TMEM117: variants seen among roughly 807,000 people sequenced by gnomAD.
The protein encoded by TMEM117 is transmembrane protein 117.
TMEM117 carries 27 observed loss-of-function variants against 52.4 expected under a neutral mutation model. The observed-to-expected ratio is 0.51, with a 90% confidence interval of 0.38 to 0.71. The LOEUF is 0.71. TMEM117 is among the 30% of genes least tolerant of loss of function. TMEM117 has a pLI of 0.00. For synonymous variants in TMEM117, 215 were observed against 206.3 expected, an observed-to-expected ratio of 1.04 and a Z score of -0.36; for missense variants, 556 against 630.5, an observed-to-expected ratio of 0.88 and a Z score of 1.26.
chr12:44,307,459 C>T (rs905329929), intron 6 of TMEM117, among the ~76,000 whole-genome samples: 1 of 152,080 alleles, frequency 6.6e-6, no homozygotes, highest in East Asian at 1.9e-4. Context: ...AGGAAAAATA[C>T]TATTTGAAAA....
intron 3 of TMEM117, among the ~76,000 whole-genome samples, chr12:44,073,024 A>T (rs1947325953): frequency 6.6e-6 from 1 of 151,724 alleles, no homozygotes; most frequent in South Asian, 2.1e-4. Context: ...CAGAAGGCAG[A>T]GGTTGCAGTG....
intron 3 of TMEM117, among the ~76,000 whole-genome samples, chr12:43,950,579 T>C (rs899884291): frequency 3.9e-5 from 6 of 151,906 alleles, no homozygotes; most frequent in African/African-American, 1.5e-4. Flanking sequence ...TGTTAAACAG[T>C]CTCTCCAAAA....
At chr12:43,826,640 A>G in the TMEM117 span, among the ~76,000 whole-genome samples, 1 of 152,220 alleles carries the variant, frequency 6.6e-6, no homozygotes, top group African/African-American at 2.4e-5. Flanking sequence ...TGCAGGGGTA[A>G]GAAGGAAATT....
rs149529056 is a variant in TMEM117, at chr12:44,216,219, G to T, written c.608+4832G>T. ...GAGGGAGTTTCACCATGTTGGTCAGGCTGGTCTTGAACCCCTGACCTCGCG... is the reference window on the plus strand; with the variant it reads ...GAGGGAGTTTCACCATGTTGGTCAGTCTGGTCTTGAACCCCTGACCTCGCG... On this transcript the variant is annotated intron_variant, in intron 5 of 7. Coordinates refer to ENST00000266534, the MANE Select transcript of TMEM117 (RefSeq NM_032256.3). Among the ~76,000 whole-genome samples the T allele has an allele frequency of 8.5e-3, 1,292 of 151,866 alleles. 13 individuals carry two copies. Among genetic ancestry groups the T allele is most frequent in the African/African-American group, 0.03 (1,230 of 41,390 alleles).
chr12:44,151,191 T>G (rs973319577), intron 4 of TMEM117, among the ~76,000 whole-genome samples: 1 of 152,104 alleles, frequency 6.6e-6, no homozygotes, highest in South Asian at 2.1e-4. Flanking sequence ...ATTTTTCATC[T>G]TTTTCATCCC....
intron 3 of TMEM117, among the ~76,000 whole-genome samples, chr12:44,053,240 C>A (rs1015363264): frequency 6.6e-6 from 1 of 152,152 alleles, no homozygotes; most frequent in African/African-American, 2.4e-5. Flanking sequence ...AAGTTCCCAT[C>A]AGGTTCAAAA....
At position 44,118,760 on chromosome 12, in the gene TMEM117, G is replaced by A. The variant is rs182371076; in HGVS notation, c.411-24765G>A. On this transcript the variant is annotated intron_variant, in intron 3 of 7. Coordinates refer to ENST00000266534, the MANE Select transcript of TMEM117 (RefSeq NM_032256.3). ...CTTTAGCCTCTACTTTTCAGGCAGG[G>A]TATTTTTTCACTTCTTTAAACTTAA... is the stretch of plus-strand genomic sequence containing the variant. Among the ~76,000 whole-genome samples the A allele has an allele frequency of 2.1e-4, 32 of 152,216 alleles. 1 individual carries two copies. Among genetic ancestry groups the A allele is most frequent in the African/African-American group, 7.7e-4 (32 of 41,558 alleles).
the TMEM117 span, chr12:43,805,989 A>C: frequency 2.0e-6 from 3 of 1,537,056 alleles, no homozygotes; most frequent in Non-Finnish European, 2.6e-6. Flanking sequence ...CGCTCCCCCG[A>C]ATTTCGGATC....
At chr12:44,392,427 G>A (rs2138884035), downstream of TMEM117, among the ~76,000 whole-genome samples, 1 of 152,224 alleles carries the variant, frequency 6.6e-6, no homozygotes, top group African/African-American at 2.4e-5. Context: ...CTTATGTGTT[G>A]TGTAGAGGAC....
chr12:44,156,865 C>G (rs1402809540), intron 4 of TMEM117, among the ~76,000 whole-genome samples: 1 of 152,056 alleles, frequency 6.6e-6, no homozygotes, highest in Non-Finnish European at 1.5e-5. Flanking sequence ...TAAATGTTAC[C>G]TAGCCTCCAG....
intron 3 of TMEM117, among the ~76,000 whole-genome samples, chr12:44,090,398 T>TTTTATTTA (rs199595783): frequency 2.1e-3 from 260 of 123,218 alleles, no homozygotes; most frequent in Non-Finnish European, 2.5e-3. Flanking sequence ...TTATCTTACT[T>TTTTATTTA]TTTATTTATT....
chr12:44,133,289 C>G (rs1948442857), intron 3 of TMEM117, among the ~76,000 whole-genome samples: 1 of 152,128 alleles, frequency 6.6e-6, no homozygotes, highest in South Asian at 2.1e-4. Flanking sequence ...GAGAGGGTAT[C>G]TCTGGAACCA....
At chr12:43,945,100 A>G (rs1945109200) in intron 3 of TMEM117, among the ~76,000 whole-genome samples, 2 of 148,148 alleles carry the variant, frequency 1.3e-5, no homozygotes, top group African/African-American at 5.1e-5. Context: ...ACAAAGCAAG[A>G]CTCCGTCTCT....
Position 43,879,161 on chromosome 12 carries a change from C to T in TMEM117, c.277+34233C>T, listed in dbSNP as rs546123640. On this transcript the variant is annotated intron_variant, in intron 2 of 7. Transcript: ENST00000266534. ...ATACTGAAATTGTTCTATTCCTGTG[C>T]GAGCCTCAGAATTCAAAATCAAACT... Among the ~76,000 whole-genome samples, 62 of 152,074 alleles carry T rather than the reference C, an allele frequency of 4.1e-4. 1 individual carries two copies. Among genetic ancestry groups the T allele is most frequent in the Admixed American group, 2.6e-4 (4 of 15,286 alleles).
At chr12:44,029,536 T>C (rs1098878) in intron 3 of TMEM117, among the ~76,000 whole-genome samples, 50,127 of 152,144 alleles carry the variant, frequency 0.33, 13,094 homozygotes, top group African/African-American at 0.73. Flanking sequence ...TTTTCAGTGT[T>C]GGCTGCAATG....
intron 3 of TMEM117, among the ~76,000 whole-genome samples, chr12:43,977,165 A>G (rs1297422482): frequency 6.6e-6 from 1 of 152,226 alleles, no homozygotes; most frequent in Non-Finnish European, 1.5e-5. Flanking sequence ...GATGTACAAC[A>G]GAGAGTATAG....
At chr12:44,105,125 G>C (rs1364090433) in intron 3 of TMEM117, among the ~76,000 whole-genome samples, 2 of 151,398 alleles carry the variant, frequency 1.3e-5, no homozygotes, top group Admixed American at 1.3e-4. Context: ...ACCTTTTATA[G>C]TTGTTCCATA....
intron 2 of TMEM117, among the ~76,000 whole-genome samples, chr12:43,909,793 G>A (rs1196907973): frequency 2.2e-5 from 3 of 138,776 alleles, no homozygotes; most frequent in Non-Finnish European, 3.2e-5. Flanking sequence ...GACTAAACCA[G>A]GAAGAAGTTG....
At chr12:44,154,240 T>C (rs909142392) in intron 4 of TMEM117, among the ~76,000 whole-genome samples, 1 of 152,066 alleles carries the variant, frequency 6.6e-6, no homozygotes, top group Non-Finnish European at 1.5e-5. Context: ...TCTCTGCCAT[T>C]TCCAACGATA....
Sources: allele counts gnomAD v4.1 joint callset (sites outside exome capture counted in the v4.1 genomes callset), GRCh38; gene constraint gnomAD v4.1.1; transcripts MANE v1.5; gene names NCBI Gene and HGNC (gene_info 2026-07-23, HGNC 2026-07-21).